DYTN: variants seen among roughly 807,000 people sequenced by gnomAD.
DYTN encodes dystrotelin.
Under a neutral mutation model 69.6 loss-of-function variants are expected in DYTN, and 75 were observed. That is an observed-to-expected ratio of 1.08 (90% confidence interval 0.89 to 1.31). DYTN has a LOEUF of 1.31. Among genes scored for constraint, DYTN ranks in the 50% most tolerant of loss-of-function variants. DYTN has a pLI of 0.00. For synonymous variants in DYTN, 252 were observed against 249.1 expected (o/e 1.01, Z -0.11); for missense variants, 726 against 688.4 (o/e 1.05, Z -0.61).
chr2:206,675,940 G>A (rs1374967200), intron 9 of DYTN, among the ~76,000 whole-genome samples: 1 of 152,210 alleles, frequency 6.6e-6, no homozygotes, highest in Admixed American at 6.5e-5. Flanking sequence ...ACAGATGCTG[G>A]TGAGGTTGTG....
At position 206,707,401 on chromosome 2, in the gene DYTN, A is replaced by G. The variant is rs1369840776; in HGVS notation, c.197T>C (p.Leu66Pro). The G allele has an allele frequency of 2.5e-6, 4 of 1,613,302 alleles. No individual in the cohort carries two copies. The highest frequency in any genetic ancestry group is 2.5e-6 in the Non-Finnish European group (3 of 1,179,724). Residue 66 changes from leucine to proline, a missense_variant, in exon 3 of 12, where the codon CTC becomes CCC. By Grantham distance (98) the Leu-to-Pro change is moderately conservative. Transcript: ENST00000452335. ...SLSVQQLSQA[L>P]QELFQKAREE... ...CCTGGCCTTCTGAAACAGCTCTTGG[A>G]GTGCCTGAGAAAGTTGCTGCACAGA...
Position 206,666,386 on chromosome 2 carries a change from T to C in DYTN, c.981-357A>G, listed in dbSNP as rs183776148. On this transcript the variant is annotated intron_variant, in intron 9 of 11. Coordinates refer to ENST00000452335, the MANE Select transcript of DYTN (RefSeq NM_001093730.1). ...TTGTTGACACTGTTTGTTCACCATGTGCAGCTGCCTTTGTGTGTATTATGG... is the reference window on the plus strand; with the variant it reads ...TTGTTGACACTGTTTGTTCACCATGCGCAGCTGCCTTTGTGTGTATTATGG... Among the ~76,000 whole-genome samples the C allele has an allele frequency of 1.0e-3, 159 of 152,372 alleles. 2 individuals are homozygous for C. Among genetic ancestry groups the C allele is most frequent in the African/African-American group, 3.6e-3 (149 of 41,592 alleles).
In DYTN at chr2:206,663,152, T is replaced by C. The variant is rs745324898; in HGVS notation, c.1384A>G (p.Ser462Gly). The change falls in exon 11 of 12, where the codon AGC (serine) becomes GGC (glycine). Residue 462 changes from serine to glycine, a missense_variant. Physicochemically the swap from Ser to Gly is moderately conservative, Grantham distance 56 (BLOSUM62 0). Transcript: ENST00000452335. ...TGTGTTTGGCTTTGTGCCCTGGTGC[T>C]GTGCAAAGTGGTCTCTGGTGATTCT... is the stretch of plus-strand genomic sequence containing the variant. ...NPESPETTLH[S>G]TRAQSQTQKM... The C allele has an allele frequency of 1.8e-5, 29 of 1,613,862 alleles. No homozygotes were observed. The highest frequency in any genetic ancestry group is 2.5e-5 in the Non-Finnish European group (29 of 1,179,902).
chr2:206,668,882 G>C (rs758110903), intron 9 of DYTN, among the ~76,000 whole-genome samples: 1 of 152,094 alleles, frequency 6.6e-6, no homozygotes, highest in Non-Finnish European at 1.5e-5. Context: ...AGCATCTGGC[G>C]TTTCCCCCGC....
chr2:206,691,422 A>G (rs1443914012), intron 9 of DYTN, among the ~76,000 whole-genome samples: 1 of 151,800 alleles, frequency 6.6e-6, no homozygotes, highest in Non-Finnish European at 1.5e-5. Context: ...TAAAAAAAAA[A>G]TATATATATG....
At chr2:206,675,115 A>ATATGTGTGTGTGTGTGTG (rs1553573104) in intron 9 of DYTN, among the ~76,000 whole-genome samples, 44 of 131,540 alleles carry the variant, frequency 3.3e-4, no homozygotes, top group African/African-American at 1.1e-3. Flanking sequence ...ATATATATAT[A>ATATGTGTGTGTGTGTGTG]TGTGTGTGTG....
At chr2:206,676,475 G>A (rs893107993) in intron 9 of DYTN, among the ~76,000 whole-genome samples, 3 of 152,108 alleles carry the variant, frequency 2.0e-5, no homozygotes, top group Admixed American at 1.3e-4. Flanking sequence ...AATAGTTAAC[G>A]CATGCGGGGC....
chr2:206,668,050 G>A (rs1046265892), intron 9 of DYTN, among the ~76,000 whole-genome samples: 8 of 152,142 alleles, frequency 5.3e-5, no homozygotes, highest in Admixed American at 6.5e-5. Context: ...ATCCTTGCTC[G>A]TAATTGGAGT....
At chr2:206,697,330 G>A (rs1205360679) in intron 7 of DYTN, among the ~76,000 whole-genome samples, 1 of 152,130 alleles carries the variant, frequency 6.6e-6, no homozygotes, top group African/African-American at 2.4e-5. Flanking sequence ...CTATCACAGA[G>A]CAAAAATGCT....
At chr2:206,656,177 A>C (rs374063869) in intron 11 of DYTN, among the ~76,000 whole-genome samples, 10 of 152,136 alleles carry the variant, frequency 6.6e-5, no homozygotes, top group Non-Finnish European at 1.0e-4. Flanking sequence ...TTTGGTGTAT[A>C]TATTATAATA....
intron 1 of DYTN, 65 bp from the exon 2 acceptor site, chr2:206,710,663 A>T: frequency 7.8e-7 from 1 of 1,287,530 alleles, no homozygotes; most frequent in Non-Finnish European, 1.1e-6. Context: ...CACATCATGG[A>T]AGGAAATCCT....
intron 11 of DYTN, among the ~76,000 whole-genome samples, chr2:206,656,839 C>T (rs1485689173): frequency 2.0e-5 from 3 of 151,120 alleles, no homozygotes; most frequent in South Asian, 4.2e-4. Flanking sequence ...CTTGGTTCAC[C>T]GCAACCTCTG....
At chr2:206,660,676 A>G (rs547445140) in intron 11 of DYTN, among the ~76,000 whole-genome samples, 1 of 152,350 alleles carries the variant, frequency 6.6e-6, no homozygotes, top group East Asian at 1.9e-4. Flanking sequence ...CGTCAGCTTA[A>G]GAATCAGCAC....
At chr2:206,695,041 C>T (rs1330310770) in intron 7 of DYTN, among the ~76,000 whole-genome samples, 164 bp from the exon 8 acceptor site, 1 of 152,076 alleles carries the variant, frequency 6.6e-6, no homozygotes, top group East Asian at 1.9e-4. Context: ...TTAAATGACT[C>T]TAATGCGTTT....
At chr2:206,676,849 A>G (rs1229523101) in intron 9 of DYTN, among the ~76,000 whole-genome samples, 1 of 152,136 alleles carries the variant, frequency 6.6e-6, no homozygotes, top group Non-Finnish European at 1.5e-5. Flanking sequence ...GGGTATGTTT[A>G]TGGTTTCACA....
In DYTN at chr2:206,663,196, T is replaced by C; in HGVS notation, c.1340A>G (p.Glu447Gly). Residue 447 changes from glutamate to glycine, a missense_variant, in exon 11 of 12, where the codon GAG becomes GGG. By Grantham distance (98) the Glu-to-Gly change is moderately conservative. Coordinates refer to ENST00000452335, the MANE Select transcript of DYTN (RefSeq NM_001093730.1). ...DRSHRSHTNAEHALRNPESPE... is the reference protein window; with the variant it reads ...DRSHRSHTNAGHALRNPESPE... ...TGATTCTGGATTTCGCAGAGCATGC[T>C]CTGCATTTGTGTGACTTCTGTGACT... The C allele has an allele frequency of 6.2e-7, 1 of 1,614,000 alleles. No individual in the cohort carries two copies. Among genetic ancestry groups the C allele is most frequent in the Non-Finnish European group, 8.5e-7 (1 of 1,179,896 alleles).
intron 11 of DYTN, among the ~76,000 whole-genome samples, chr2:206,659,962 A>C (rs1433443503): frequency 6.7e-6 from 1 of 149,886 alleles, no homozygotes; most frequent in Non-Finnish European, 1.5e-5. Context: ...TTACTATTCA[A>C]GAAATTTTAT....
At chr2:206,711,658 A>G (rs1574605284) in intron 1 of DYTN, among the ~76,000 whole-genome samples, 2 of 151,874 alleles carry the variant, frequency 1.3e-5, no homozygotes, top group East Asian at 3.9e-4. Context: ...ATATGTATAC[A>G]TGTGCCATGT....
rs565585641 is a variant in DYTN at position 206,707,611 on chromosome 2, C to T, written c.95-108G>A. The T allele has an allele frequency of 1.1e-5, 12 of 1,123,506 alleles. No individual in the cohort carries two copies. In the East Asian group the frequency reaches 1.8e-4, roughly 17 times the overall value. The allele number at this position is 1,123,506 out of a possible 1,614,324, so 69.6% of individuals were successfully genotyped here. ...TTATAATTAAGACTTTTTATGGTCG[C>T]TATTTTCTTTTAAGGGGAATGAAAT... On this transcript the variant is annotated intron_variant, in intron 2 of 11. Coordinates refer to ENST00000452335, the MANE Select transcript of DYTN (RefSeq NM_001093730.1).
Sources: allele counts gnomAD v4.1 joint callset (sites outside exome capture counted in the v4.1 genomes callset), GRCh38; gene constraint gnomAD v4.1.1; transcripts MANE v1.5; gene names NCBI Gene and HGNC (gene_info 2026-07-23, HGNC 2026-07-21).